IMMP2L: variants seen among roughly 807,000 people sequenced by gnomAD.
IMMP2L encodes the protein inner mitochondrial membrane peptidase subunit 2, also known as mitochondrial inner membrane protease subunit 2.
In IMMP2L, 18 loss-of-function variants were observed where a neutral mutation model predicts 19.3. The ratio of observed to expected loss-of-function variants is 0.93; its 90% CI spans 0.64 to 1.38. The LOEUF is 1.38. IMMP2L is among the 40% of genes most tolerant of loss of function. The probability of loss-of-function intolerance (pLI) is 0.00; values close to 1 mark genes in which losing one functional copy is unlikely to be tolerated. For synonymous variants in IMMP2L, 76 were observed against 73.0 expected, an observed-to-expected ratio of 1.04 and a Z score of -0.21; for missense variants, 233 against 218.2, an observed-to-expected ratio of 1.07 and a Z score of -0.43.
intron 3 of IMMP2L, among the ~76,000 whole-genome samples, chr7:111,255,350 T>C (rs922099348): frequency 6.6e-6 from 1 of 152,036 alleles, no homozygotes; most frequent in African/African-American, 2.4e-5. Flanking sequence ...TTTCACAGTA[T>C]AAAATATGTG....
chr7:111,102,231 A>T (rs539227615), intron 3 of IMMP2L, among the ~76,000 whole-genome samples: 1 of 151,670 alleles, frequency 6.6e-6, no homozygotes, highest in African/African-American at 2.4e-5. Flanking sequence ...ATTTCATAGC[A>T]CATTGACTAT....
intron 4 of IMMP2L, among the ~76,000 whole-genome samples, chr7:110,920,196 T>C (rs975055948): frequency 6.6e-6 from 1 of 152,172 alleles, no homozygotes; most frequent in Non-Finnish European, 1.5e-5. Context: ...GTTGTGTCCA[T>C]CACACCTTGT....
intron 5 of IMMP2L, among the ~76,000 whole-genome samples, chr7:110,822,575 T>C (rs932155154): frequency 6.6e-6 from 1 of 152,160 alleles, no homozygotes; most frequent in Non-Finnish European, 1.5e-5. Flanking sequence ...TTCTTTCTTG[T>C]ACATTCCTGA....
intron 3 of IMMP2L, among the ~76,000 whole-genome samples, chr7:111,477,432 T>A (rs76261873): frequency 2.0e-5 from 3 of 152,162 alleles, no homozygotes; most frequent in Admixed American, 1.3e-4. Flanking sequence ...TGAAAAAGAA[T>A]GCATTTCTCT....
rs188288558 is a variant in IMMP2L, at chr7:111,150,833, C to T, written c.240-187268G>A. 2.6e-4 allele frequency among the ~76,000 whole-genome samples: 40 copies of T among 152,274 alleles called. No individual in the cohort carries two copies. In the East Asian group the frequency reaches 7.3e-3, roughly 28 times the overall value. ...TGAGATTAATTTTCTCTTTGGTCTC[C>T]TAGCAGATTACTTCAGGTTACCTGC... On this transcript the variant is annotated intron_variant, in intron 3 of 5. Coordinates refer to ENST00000405709, the MANE Select transcript of IMMP2L (RefSeq NM_032549.4).
chr7:111,290,709 T>C (rs1469173170), intron 3 of IMMP2L, among the ~76,000 whole-genome samples: 2 of 151,896 alleles, frequency 1.3e-5, no homozygotes, highest in African/African-American at 2.4e-5. Flanking sequence ...CTATTGCAAA[T>C]TGAACTTTTG....
intron 3 of IMMP2L, among the ~76,000 whole-genome samples, chr7:111,303,336 TCA>T (rs1822472322): frequency 6.6e-6 from 1 of 152,066 alleles, no homozygotes; most frequent in East Asian, 1.9e-4. Context: ...AAAGAGAAAA[TCA>T]CACAGACATC....
chr7:110,956,014 G>T (rs891363509), intron 4 of IMMP2L, among the ~76,000 whole-genome samples: 5 of 151,810 alleles, frequency 3.3e-5, no homozygotes, highest in Admixed American at 2.6e-4. Context: ...TTCCTATAAA[G>T]ATTCATCGTT....
chr7:111,297,838 C>T (rs941985946), intron 3 of IMMP2L, among the ~76,000 whole-genome samples: 1 of 151,936 alleles, frequency 6.6e-6, no homozygotes, highest in Non-Finnish European at 1.5e-5. Context: ...TCCATTTATA[C>T]AAAATCTAGT....
intron 3 of IMMP2L, among the ~76,000 whole-genome samples, chr7:110,984,909 G>A (rs903886859): frequency 6.6e-6 from 1 of 152,000 alleles, no homozygotes; most frequent in African/African-American, 2.4e-5. Context: ...ATGGACCTTT[G>A]GGTCCCTATT....
chr7:110,696,097 G>A (rs148018761), intron 5 of IMMP2L, among the ~76,000 whole-genome samples: 120 of 152,280 alleles, frequency 7.9e-4, no homozygotes, highest in African/African-American at 2.7e-3. Context: ...TTGCAGAGTA[G>A]GGTGAATGAA....
chr7:111,022,656 C>A (rs1165226942), intron 3 of IMMP2L, among the ~76,000 whole-genome samples: 1 of 152,130 alleles, frequency 6.6e-6, no homozygotes, highest in African/African-American at 2.4e-5. Flanking sequence ...GATCTACCCT[C>A]ACAAAAAATT....
chr7:111,385,095 G>A (rs1044882004), intron 3 of IMMP2L, among the ~76,000 whole-genome samples: 1 of 152,048 alleles, frequency 6.6e-6, no homozygotes, highest in Non-Finnish European at 1.5e-5. Flanking sequence ...TTTCTTATAG[G>A]GAAGACGTGT....
chr7:111,454,586 T>A (rs985905399), intron 3 of IMMP2L, among the ~76,000 whole-genome samples: 3 of 151,998 alleles, frequency 2.0e-5, no homozygotes, highest in Admixed American at 2.0e-4. Flanking sequence ...TCAAAAAAAA[T>A]TACTAAAAAA....
intron 3 of IMMP2L, among the ~76,000 whole-genome samples, chr7:111,470,904 A>G (rs1419044495): frequency 6.6e-6 from 1 of 151,436 alleles, no homozygotes; most frequent in Non-Finnish European, 1.5e-5. Context: ...TAAATAAATA[A>G]AGAGAAGAGG....
At chr7:111,202,397 T>G (rs983786612) in intron 3 of IMMP2L, among the ~76,000 whole-genome samples, 1 of 152,204 alleles carries the variant, frequency 6.6e-6, no homozygotes, top group Non-Finnish European at 1.5e-5. Context: ...CATAGCTTCC[T>G]GTCATGTAGA....
chr7:111,086,735 T>C (rs960592258), intron 3 of IMMP2L, among the ~76,000 whole-genome samples: 18 of 152,196 alleles, frequency 1.2e-4, no homozygotes, highest in African/African-American at 4.1e-4. Flanking sequence ...GACTCATTCA[T>C]ATGTATTTAG....
In IMMP2L at chr7:110,976,489, T is replaced by C. The variant is rs546463723; in HGVS notation, c.240-12924A>G. ...TTATTTTATGAATATCCAAACTGAT[T>C]TATCATTCCAGTATGAGTTTCTTAT... On this transcript the variant is annotated intron_variant, in intron 3 of 5. Coordinates refer to ENST00000405709, the MANE Select transcript of IMMP2L (RefSeq NM_032549.4). Among the ~76,000 whole-genome samples the C allele has an allele frequency of 6.6e-5, 10 of 152,188 alleles. No individual in the cohort carries two copies. In the South Asian group the frequency reaches 2.1e-3, roughly 32 times the overall value.
intron 5 of IMMP2L, among the ~76,000 whole-genome samples, chr7:110,722,983 G>A (rs1401024190): frequency 3.9e-5 from 6 of 152,028 alleles, no homozygotes; most frequent in Non-Finnish European, 5.9e-5. Flanking sequence ...AGGCAACCAC[G>A]GCAAACTTGT....
Sources: allele counts gnomAD v4.1 joint callset (sites outside exome capture counted in the v4.1 genomes callset), GRCh38; gene constraint gnomAD v4.1.1; transcripts MANE v1.5; gene names NCBI Gene and HGNC (gene_info 2026-07-23, HGNC 2026-07-21).